PDXDC1: variants seen among roughly 807,000 people sequenced by gnomAD.
PDXDC1 encodes the protein pyridoxal-dependent decarboxylase domain-containing protein 1.
A neutral mutation model predicts 100.1 loss-of-function variants in PDXDC1; 42 were observed. The ratio of observed to expected loss-of-function variants is 0.42; its 90% CI spans 0.33 to 0.54. The LOEUF is 0.54. PDXDC1 is among the 20% of genes least tolerant of loss of function. PDXDC1 has a pLI of 0.10. For synonymous variants in PDXDC1, 260 were observed against 371.7 expected (o/e 0.70, Z 3.46); for missense variants, 636 against 979.2 (o/e 0.65, Z 4.68).
At chr16:15,025,885 T>C (rs2042559432) in intron 13 of PDXDC1, 1 of 152,444 alleles carries the variant, frequency 6.6e-6, no homozygotes, top group Admixed American at 6.5e-5. Flanking sequence ...TGCTGGATTA[T>C]CATAATACAT....
chr16:15,060,955 T>A (rs1205912626), intron 16 of PDXDC1: 2 of 152,272 alleles, frequency 1.3e-5, no homozygotes, highest in Non-Finnish European at 2.9e-5. Context: ...TCCAATCTCA[T>A]GTGTTTTACA....
downstream of PDXDC1, among the ~76,000 whole-genome samples, chr16:15,143,241 G>A (rs1292597366): frequency 1.3e-5 from 2 of 152,200 alleles, no homozygotes; most frequent in South Asian, 2.1e-4. Flanking sequence ...GGTGGAGAAG[G>A]AAGTCCCAGG....
intron 16 of PDXDC1, among the ~76,000 whole-genome samples, chr16:15,046,363 G>A (rs1474624870): frequency 6.6e-6 from 1 of 152,208 alleles, no homozygotes; most frequent in Non-Finnish European, 1.5e-5. Context: ...ACACCTGCCA[G>A]GTCTCCACAA....
At chr16:14,994,104 A>G (rs1161417218) in intron 1 of PDXDC1, among the ~76,000 whole-genome samples, 1 of 152,284 alleles carries the variant, frequency 6.6e-6, no homozygotes, top group Non-Finnish European at 1.5e-5. Context: ...GTTCACTCTG[A>G]TGGTAGTTTC....
chr16:15,122,399 G>A (rs993346623), intron 16 of PDXDC1, among the ~76,000 whole-genome samples: 1 of 145,840 alleles, frequency 6.9e-6, no homozygotes, highest in Admixed American at 7.0e-5. Flanking sequence ...ATTTTTTGTA[G>A]AGATGGGGTT....
chr16:15,072,140 C>G (rs574389203), intron 16 of PDXDC1, among the ~76,000 whole-genome samples: 13 of 151,706 alleles, frequency 8.6e-5, no homozygotes, highest in African/African-American at 3.2e-4. Context: ...CCCATGTGGG[C>G]AGACTGAATT....
intron 16 of PDXDC1, chr16:15,074,629 T>C: frequency 1.1e-6 from 1 of 884,436 alleles, no homozygotes; most frequent in Non-Finnish European, 1.6e-6. Context: ...TTTTACAGGA[T>C]TTTTAGTATT....
intron 1 of PDXDC1, among the ~76,000 whole-genome samples, chr16:14,979,608 A>G (rs1967492865): frequency 6.6e-6 from 1 of 152,274 alleles, no homozygotes; most frequent in African/African-American, 2.4e-5. Flanking sequence ...GTTATATCTA[A>G]TTCTCATCTC....
intron 1 of PDXDC1, among the ~76,000 whole-genome samples, chr16:14,983,964 G>C (rs1005174428): frequency 3.9e-5 from 6 of 152,246 alleles, no homozygotes; most frequent in African/African-American, 1.4e-4. Flanking sequence ...GGAGTTTGAG[G>C]GCAGCCAGGG....
At chr16:15,050,283 C>A (rs569530576) in intron 16 of PDXDC1, among the ~76,000 whole-genome samples, 96 of 152,312 alleles carry the variant, frequency 6.3e-4, no homozygotes, top group Middle Eastern at 6.8e-3. Context: ...TTCTTACTTG[C>A]AACAAACTCC....
chr16:14,987,135 G>A (rs377654369), intron 1 of PDXDC1, among the ~76,000 whole-genome samples: 4,116 of 151,080 alleles, frequency 0.027, no homozygotes, highest in Non-Finnish European at 0.041. Flanking sequence ...ATGAGTTTAC[G>A]GCCATCTGGT....
intron 16 of PDXDC1, among the ~76,000 whole-genome samples, chr16:15,077,598 T>C (rs530758596): frequency 4.6e-5 from 7 of 152,152 alleles, no homozygotes; most frequent in African/African-American, 1.4e-4. Flanking sequence ...TCCGAGCTCT[T>C]TGGGAGGCCG....
chr16:15,014,206 CAAA>C (rs199890384), intron 8 of PDXDC1, among the ~76,000 whole-genome samples: 7 of 144,226 alleles, frequency 4.9e-5, no homozygotes, highest in Admixed American at 6.9e-5. Flanking sequence ...GACTCTGTCT[CAAA>C]AAAAAAAAAA....
chr16:15,096,971 A>G (rs2046379797), intron 16 of PDXDC1, among the ~76,000 whole-genome samples: 1 of 152,196 alleles, frequency 6.6e-6, no homozygotes, highest in South Asian at 2.1e-4. Context: ...TCCCTTAAAA[A>G]AAGTCTGAGT....
intron 7 of PDXDC1, among the ~76,000 whole-genome samples, chr16:15,009,055 G>C (rs1285811527): frequency 6.6e-6 from 1 of 152,282 alleles, no homozygotes; most frequent in Non-Finnish European, 1.5e-5. Context: ...TGGCTTTTAA[G>C]GAGTCTTGTA....
intron 8 of PDXDC1, among the ~76,000 whole-genome samples, chr16:15,011,216 C>A (rs1336146102): frequency 4.6e-5 from 7 of 152,270 alleles, no homozygotes; most frequent in African/African-American, 1.7e-4. Flanking sequence ...TGAGATTAAC[C>A]AAAGAAAATA....
intron 16 of PDXDC1, chr16:15,060,265 G>A: frequency 3.1e-6 from 1 of 324,872 alleles, no homozygotes; most frequent in Non-Finnish European, 6.1e-6. Context: ...TCAACATTTT[G>A]CCAGCAGTTA....
chr16:15,021,900 C>CATGA (rs1181667974), intron 12 of PDXDC1, among the ~76,000 whole-genome samples: 1 of 152,304 alleles, frequency 6.6e-6, no homozygotes, highest in African/African-American at 2.4e-5. Context: ...TGTCAGGCAC[C>CATGA]ATGAAGTACT....
At chr16:15,054,566 A>T (rs1256429137) in intron 16 of PDXDC1, among the ~76,000 whole-genome samples, 1 of 152,226 alleles carries the variant, frequency 6.6e-6, no homozygotes, top group Non-Finnish European at 1.5e-5. Context: ...CACCACGCCT[A>T]GCTCGGTGCA....
Sources: allele counts gnomAD v4.1 joint callset (sites outside exome capture counted in the v4.1 genomes callset), GRCh38; gene constraint gnomAD v4.1.1; transcripts MANE v1.5; gene names NCBI Gene and HGNC (gene_info 2026-07-23, HGNC 2026-07-21).